The following SLC9A9 variants were observed in gnomAD, a reference collection of about 807,000 sequenced individuals.
The protein encoded by SLC9A9 is solute carrier family 9 member A9.
In SLC9A9, 62 loss-of-function variants were observed where a neutral mutation model predicts 77.8. The observed-to-expected ratio is 0.80, with a 90% CI of 0.65 to 0.98. The LOEUF (loss-of-function observed/expected upper bound fraction) is 0.98, where lower values mean the gene tolerates loss of function less well. Among genes scored for constraint, SLC9A9 ranks in the 50% least tolerant of loss-of-function variants. The pLI is 0.00. For synonymous variants in SLC9A9, 320 were observed against 283.5 expected (o/e 1.13, Z -1.29); for missense variants, 775 against 774.9 (o/e 1.00, Z 0.00).
intron 12 of SLC9A9, among the ~76,000 whole-genome samples, chr3:143,395,139 A>C (rs2033694517): frequency 6.6e-6 from 1 of 152,216 alleles, no homozygotes; most frequent in Non-Finnish European, 1.5e-5. Flanking sequence ...CCGCATTGCC[A>C]AGTCAATCCT....
At chr3:143,293,375 T>C (rs1329283751) in intron 14 of SLC9A9, among the ~76,000 whole-genome samples, 1 of 152,214 alleles carries the variant, frequency 6.6e-6, no homozygotes, top group Non-Finnish European at 1.5e-5. Context: ...AAAATCAATA[T>C]TGTGTACATA....
intron 13 of SLC9A9, among the ~76,000 whole-genome samples, chr3:143,365,190 A>T (rs1178864906): frequency 2.6e-5 from 4 of 152,190 alleles, no homozygotes; most frequent in Non-Finnish European, 5.9e-5. Flanking sequence ...AAAACCAAAT[A>T]CCACATGTTC....
chr3:143,454,829 C>G (rs1294892692), intron 12 of SLC9A9, among the ~76,000 whole-genome samples: 3 of 152,306 alleles, frequency 2.0e-5, no homozygotes, highest in South Asian at 4.1e-4. Flanking sequence ...AGGTATTATT[C>G]CCAGCTCCCA....
At position 143,650,693 on chromosome 3, in the gene SLC9A9, A is replaced by G. The variant is rs181041971; in HGVS notation, c.755+1562T>C. ...AGCTGAGGAGCACAAGATTTCAGCT[A>G]GAATGGCAACATCTCATTCCTAGAA... On this transcript the variant is annotated intron_variant, in intron 6 of 15. Transcript: ENST00000316549. Among the ~76,000 whole-genome samples, 172 of 152,370 alleles carry G rather than the reference A, an allele frequency of 1.1e-3. 1 individual carries two copies. The highest frequency in any genetic ancestry group is 3.8e-3 in the African/African-American group (158 of 41,578).
At chr3:143,280,875 A>ACTTAGTAC (rs1393424776) in intron 14 of SLC9A9, among the ~76,000 whole-genome samples, 1 of 152,192 alleles carries the variant, frequency 6.6e-6, no homozygotes, top group African/African-American at 2.4e-5. Flanking sequence ...TACAATTGTT[A>ACTTAGTAC]CTTAGTACAT....
At chr3:143,615,884 CTTTT>C (rs71140444) in intron 6 of SLC9A9, among the ~76,000 whole-genome samples, 1 of 141,480 alleles carries the variant, frequency 7.1e-6, no homozygotes. Flanking sequence ...CTTTAAATTT[CTTTT>C]TTTTTTTTTT....
chr3:143,578,428 G>A (rs181038195), intron 7 of SLC9A9, among the ~76,000 whole-genome samples, 157 bp downstream of exon 7: 1 of 152,162 alleles, frequency 6.6e-6, no homozygotes, highest in East Asian at 1.9e-4. Context: ...GCCTCCAGGG[G>A]TGACTGAGAA....
intron 12 of SLC9A9, among the ~76,000 whole-genome samples, chr3:143,426,187 T>A (rs1667270998): frequency 6.6e-6 from 1 of 152,188 alleles, no homozygotes; most frequent in Admixed American, 6.5e-5. Flanking sequence ...ACTGGCAAAT[T>A]ATTGTTGGGT....
chr3:143,411,685 A>T (rs140999749), intron 12 of SLC9A9, among the ~76,000 whole-genome samples: 20 of 152,204 alleles, frequency 1.3e-4, no homozygotes, highest in African/African-American at 4.1e-4. Context: ...CTCTCTTTCC[A>T]TTAGTTCTAC....
At chr3:143,383,376 A>G (rs1243090350) in intron 12 of SLC9A9, among the ~76,000 whole-genome samples, 2 of 152,208 alleles carry the variant, frequency 1.3e-5, no homozygotes, top group Non-Finnish European at 2.9e-5. Flanking sequence ...ATCGCATTCA[A>G]TCTAAACTAA....
chr3:143,548,052 G>A (rs1453214285), intron 9 of SLC9A9, among the ~76,000 whole-genome samples: 1 of 152,180 alleles, frequency 6.6e-6, no homozygotes, highest in Non-Finnish European at 1.5e-5. Context: ...AAGTAAATGA[G>A]ATAAGTACTT....
At chr3:143,390,627 G>T (rs535131776) in intron 12 of SLC9A9, among the ~76,000 whole-genome samples, 1 of 152,194 alleles carries the variant, frequency 6.6e-6, no homozygotes, top group Admixed American at 6.5e-5. Context: ...GCAGCACACC[G>T]AGTGTGAGCC....
At chr3:143,339,187 G>T (rs1254388124) in intron 14 of SLC9A9, among the ~76,000 whole-genome samples, 1 of 152,178 alleles carries the variant, frequency 6.6e-6, no homozygotes, top group Non-Finnish European at 1.5e-5. Flanking sequence ...ATAATTATTT[G>T]TGAGTCTCCT....
At position 143,817,152 on chromosome 3, in the gene SLC9A9, T is replaced by A. The variant is rs867046568; in HGVS notation, c.378+14867A>T. Among the ~76,000 whole-genome samples the A allele has an allele frequency of 9.3e-3, 1,395 of 149,782 alleles. 9 individuals carry two copies. Among genetic ancestry groups the A allele is most frequent in the Non-Finnish European group, 0.015 (1,018 of 67,336 alleles). On this transcript the variant is annotated intron_variant, in intron 2 of 15. Transcript: ENST00000316549. ...AAGTTTATTTTTTTTTTTATTTTTT[T>A]TTTTTTTGAGACGGAGTCTCGCTCT...
intron 5 of SLC9A9, among the ~76,000 whole-genome samples, chr3:143,691,823 C>T (rs1164590606): frequency 6.6e-6 from 1 of 152,146 alleles, no homozygotes; most frequent in Non-Finnish European, 1.5e-5. Context: ...CTAATACCCA[C>T]TGAGACATAA....
chr3:143,415,125 G>A (rs547336562), intron 12 of SLC9A9, among the ~76,000 whole-genome samples: 197 of 152,296 alleles, frequency 1.3e-3, no homozygotes, highest in Admixed American at 3.8e-3. Flanking sequence ...AGAGGGGTGA[G>A]GAAACTGCAG....
At chr3:143,832,329 G>C in intron 1 of SLC9A9, 108 bp from the exon 2 acceptor site, 1 of 942,250 alleles carries the variant, frequency 1.1e-6, no homozygotes, top group Non-Finnish European at 1.6e-6. Context: ...TAAAGTGTTG[G>C]GTTATTGCCT....
At chr3:143,530,670 C>T (rs1023234659) in intron 9 of SLC9A9, among the ~76,000 whole-genome samples, 1 of 141,832 alleles carries the variant, frequency 7.1e-6, no homozygotes, top group African/African-American at 2.5e-5. Flanking sequence ...AACAAACAAA[C>T]AAACAAAAAC....
intron 4 of SLC9A9, among the ~76,000 whole-genome samples, chr3:143,773,271 G>A (rs536940876): frequency 1.3e-5 from 2 of 152,050 alleles, no homozygotes; most frequent in East Asian, 1.9e-4. Flanking sequence ...CTAGCAATGA[G>A]GTCTCTGGAC....
Sources: gnomAD v4.1 joint callset for allele counts (sites outside exome capture counted in the v4.1 genomes callset) on GRCh38, gnomAD v4.1.1 for gene constraint, MANE v1.5 for transcripts, NCBI Gene and HGNC (gene_info 2026-07-23, HGNC 2026-07-21) for gene names.